The following LCOR variants were observed in gnomAD, a reference collection of about 807,000 sequenced individuals.
LCOR encodes ligand dependent nuclear receptor corepressor, also known as ligand-dependent corepressor.
In LCOR, 14 loss-of-function variants were observed where a neutral mutation model predicts 64.4. The ratio of observed to expected loss-of-function variants is 0.22; its 90% confidence interval spans 0.14 to 0.34. The LOEUF is 0.34. LCOR is among the 10% of genes least tolerant of loss of function. The pLI is 1.00. For synonymous variants in LCOR, 643 were observed against 642.5 expected (o/e 1.00, Z -0.01); for missense variants, 1,686 against 1,765.3 (o/e 0.96, Z 0.80).
chr10:96,984,822 GAAT>G lies in LCOR; in HGVS notation c.4365_4367del (p.Asn1455del), dbSNP rs1302929414. ...CCCCCAAAAAGACGTCTTTGAAAGA[GAAT>G]AAAGTGAAGATCCCTAAAAAGTCCG... On this transcript the variant is annotated inframe_deletion, in exon 8 of 8. Coordinates refer to ENST00000421806, the MANE Select transcript of LCOR (RefSeq NM_001346516.2). 1 of 1,614,112 alleles carries G rather than the reference GAAT, an allele frequency of 6.2e-7. No individual in the cohort carries two copies. Among genetic ancestry groups the G allele is most frequent in the East Asian group, 2.2e-5 (1 of 44,880 alleles).
chr10:96,877,932 G>T (rs566858185), intron 2 of LCOR, among the ~76,000 whole-genome samples: 63 of 152,296 alleles, frequency 4.1e-4, no homozygotes, highest in African/African-American at 1.5e-3. Flanking sequence ...AATAGGAGAA[G>T]AATGAAGCAT....
intron 7 of LCOR, among the ~76,000 whole-genome samples, chr10:96,969,359 TTAGGGGAATG>T (rs1196916386): frequency 2.0e-5 from 3 of 152,204 alleles, no homozygotes; most frequent in Non-Finnish European, 4.4e-5. Context: ...TGGTACTGTT[TTAGGGGAATG>T]TAATCAAACC....
At chr10:96,877,679 T>G (rs1846192439) in intron 2 of LCOR, among the ~76,000 whole-genome samples, 2 of 123,654 alleles carry the variant, frequency 1.6e-5, no homozygotes, top group South Asian at 5.6e-4. Flanking sequence ...TGGTACAGTC[T>G]CAGCTCACTG....
At chr10:96,961,208 A>G (rs926424797) in intron 7 of LCOR, 2 of 152,160 alleles carry the variant, frequency 1.3e-5, no homozygotes, top group Non-Finnish European at 2.9e-5. Flanking sequence ...AATCGAGGCT[A>G]ATTAATGTTG....
At chr10:96,957,796 A>C (rs1847809531) in intron 7 of LCOR, 1 of 985,488 alleles carries the variant, frequency 1.0e-6, no homozygotes, top group Non-Finnish European at 1.2e-6. Context: ...CATTCTTGAC[A>C]TAGCTTGGGT....
intron 6 of LCOR, among the ~76,000 whole-genome samples, chr10:96,950,565 A>G (rs1231868200): frequency 1.3e-5 from 2 of 152,134 alleles, no homozygotes; most frequent in Non-Finnish European, 2.9e-5. Flanking sequence ...ATAAAATGAT[A>G]CCACTTAATC....
chr10:96,845,449 C>CTTTT lies in LCOR; in HGVS notation c.-330+12004_-330+12007dup, dbSNP rs762639752. Among the ~76,000 whole-genome samples, 47 of 48,686 alleles carry CTTTT rather than the reference C, an allele frequency of 9.7e-4. 13 individuals are homozygous for CTTTT. Among genetic ancestry groups the CTTTT allele is most frequent in the Admixed American group, 1.9e-3 (6 of 3,134 alleles). The allele number at this position is 48,686 out of a possible 152,430, so 31.9% of individuals were successfully genotyped here. ...TTTGCCTCTTATAAATGGGCTTATCCTTTTTTTTTTTTTTTTTTTTTTTTT... is the reference window on the plus strand; with the variant it reads ...TTTGCCTCTTATAAATGGGCTTATCCTTTTTTTTTTTTTTTTTTTTTTTTTTTTT... On this transcript the variant is annotated intron_variant, in intron 2 of 7. Coordinates refer to ENST00000421806, the MANE Select transcript of LCOR (RefSeq NM_001346516.2).
At chr10:96,955,795 C>A (rs1847761476) in intron 7 of LCOR, 1 of 1,613,998 alleles carries the variant, frequency 6.2e-7, no homozygotes, top group South Asian at 1.1e-5. Flanking sequence ...AGGCTGGGCA[C>A]TTTGAAAAAC....
At chr10:96,860,014 C>T (rs947139820) in intron 2 of LCOR, among the ~76,000 whole-genome samples, 1 of 152,116 alleles carries the variant, frequency 6.6e-6, no homozygotes, top group African/African-American at 2.4e-5. Flanking sequence ...TGGAGAGGGG[C>T]TTAAGATCAG....
chr10:96,856,574 A>G (rs1589608955), intron 2 of LCOR, among the ~76,000 whole-genome samples: 1 of 151,072 alleles, frequency 6.6e-6, no homozygotes, highest in African/African-American at 2.4e-5. Context: ...TCTGTCACCC[A>G]TGCTGGAGTG....
intron 7 of LCOR, among the ~76,000 whole-genome samples, chr10:96,978,019 G>T (rs1026881284): frequency 2.0e-5 from 3 of 152,248 alleles, no homozygotes; most frequent in African/African-American, 7.2e-5. Flanking sequence ...CTAGTAAGCA[G>T]CAGGACTACT....
At chr10:96,909,641 G>C (rs1205145988) in intron 4 of LCOR, among the ~76,000 whole-genome samples, 2 of 152,154 alleles carry the variant, frequency 1.3e-5, no homozygotes, top group African/African-American at 4.8e-5. Flanking sequence ...TTTAAAATTT[G>C]AAAGCCAACG....
intron 2 of LCOR, among the ~76,000 whole-genome samples, chr10:96,856,951 A>G (rs1225176194): frequency 6.6e-6 from 1 of 152,124 alleles, no homozygotes; most frequent in East Asian, 1.9e-4. Context: ...AGTAGGGAAC[A>G]GTATGGGGGA....
At chr10:96,957,870 T>G in intron 7 of LCOR, 1 of 986,096 alleles carries the variant, frequency 1.0e-6, no homozygotes, top group South Asian at 4.7e-5. Flanking sequence ...TGAGCCTGTT[T>G]CCTCTTAGCT....
At chr10:96,942,754 A>G (rs1847516992) in intron 4 of LCOR, among the ~76,000 whole-genome samples, 1 of 152,168 alleles carries the variant, frequency 6.6e-6, no homozygotes, top group African/African-American at 2.4e-5. Context: ...TCATTTGTGC[A>G]TTATAACATG....
intron 2 of LCOR, among the ~76,000 whole-genome samples, chr10:96,904,682 G>A (rs988265117): frequency 1.3e-5 from 2 of 152,028 alleles, no homozygotes; most frequent in African/African-American, 2.4e-5. Context: ...TGAACATAAC[G>A]GCATGGCTGT....
chr10:96,946,820 T>C (rs1035330331), intron 5 of LCOR, among the ~76,000 whole-genome samples: 1 of 152,128 alleles, frequency 6.6e-6, no homozygotes, highest in African/African-American at 2.4e-5. Context: ...CTAATATCTT[T>C]GACTCTTCAC....
chr10:96,956,333 C>T, intron 7 of LCOR: 1 of 990,190 alleles, frequency 1.0e-6, no homozygotes, highest in Non-Finnish European at 1.2e-6. Flanking sequence ...GTCTGTCATA[C>T]TGGGAGCTTT....
rs1467354525 is a variant in LCOR at position 96,991,123 on chromosome 10, G to A, written c.*5989G>A. The A allele has an allele frequency of 6.7e-6, 1 of 149,150 alleles. No homozygotes were observed. Among genetic ancestry groups the A allele is most frequent in the Non-Finnish European group, 1.5e-5 (1 of 67,698 alleles). 9.2% of individuals were successfully genotyped at this position (149,150 alleles called of 1,614,324 possible). A position where few individuals can be genotyped will look rare whatever the true frequency, so the allele number is the denominator to read the frequency against. ...TGGAAAAGCTCTACTGATCCTTATA[G>A]TAGTCATTAAAGATCAAATTGTGTA... is the stretch of plus-strand genomic sequence containing the variant. On this transcript the variant is annotated 3_prime_UTR_variant, in exon 8 of 8. Coordinates refer to ENST00000421806, the MANE Select transcript of LCOR (RefSeq NM_001346516.2).
Sources: gnomAD v4.1 joint callset for allele counts (sites outside exome capture counted in the v4.1 genomes callset) on GRCh38, gnomAD v4.1.1 for gene constraint, MANE v1.5 for transcripts, NCBI Gene and HGNC (gene_info 2026-07-23, HGNC 2026-07-21) for gene names.